Variants in TIAM1 observed in about 807,000 individuals in gnomAD.
The protein encoded by TIAM1 is rho guanine nucleotide exchange factor TIAM1.
TIAM1 carries 65 observed loss-of-function variants against 163.5 expected under a neutral mutation model. The ratio of observed to expected loss-of-function variants is 0.40; its 90% CI spans 0.33 to 0.49. The LOEUF is 0.49. Ranked by LOEUF, TIAM1 falls within the 20% of genes least tolerant of loss-of-function variation. The pLI, the probability that TIAM1 is intolerant of heterozygous loss-of-function variation, is 0.77. For synonymous variants in TIAM1, 833 were observed against 810.1 expected, an observed-to-expected ratio of 1.03 and a Z score of -0.48; for missense variants, 1,789 against 2,044.7, an observed-to-expected ratio of 0.87 and a Z score of 2.41.
chr21:31,367,532 A>C (rs1340923327), intron 2 of TIAM1, among the ~76,000 whole-genome samples: 1 of 152,176 alleles, frequency 6.6e-6, no homozygotes, highest in Non-Finnish European at 1.5e-5. Context: ...CTTGGTATTC[A>C]ACCCAAACTT....
At position 31,251,544 on chromosome 21, in the gene TIAM1, C is replaced by T. The variant is rs114003457; in HGVS notation, c.1411+198G>A. 7.7e-3 allele frequency among the ~76,000 whole-genome samples: 1,175 copies of T among 152,230 alleles called. 16 individuals are homozygous for T. The highest frequency in any genetic ancestry group is 0.026 in the African/African-American group (1,097 of 41,546). ...AACATTGCACTTGTAGTCGATAATGCCATATTGCACATTTTAAAATGTAAG... is the reference window on the plus strand; with the variant it reads ...AACATTGCACTTGTAGTCGATAATGTCATATTGCACATTTTAAAATGTAAG... On this transcript the variant is annotated intron_variant, in intron 5 of 27. Transcript: ENST00000541036.
chr21:31,146,403 C>CAAAAA (rs10542614), intron 20 of TIAM1, among the ~76,000 whole-genome samples: 1 of 89,916 alleles, frequency 1.1e-5, no homozygotes, highest in Non-Finnish European at 2.2e-5. Flanking sequence ...GGCTCTGTGT[C>CAAAAA]AAAAAAAAAA....
rs35524539 is a variant in TIAM1 at position 31,213,866 on chromosome 21, C to CAAAAAAAAAAAA, written c.2143-406_2143-395dup. 5.2e-3 allele frequency among the ~76,000 whole-genome samples: 285 copies of CAAAAAAAAAAAA among 54,822 alleles called. 9 individuals carry two copies. The highest frequency in any genetic ancestry group is 0.017 in the African/African-American group (273 of 16,088). The allele number at this position is 54,822 out of a possible 152,430, so 36.0% of individuals were successfully genotyped here. On this transcript the variant is annotated intron_variant, in intron 9 of 27. Transcript: ENST00000541036. Reference sequence around the variant, plus strand: ...GCAATATAGTTAGACCTCATCTCTACAAAAAAAAAAAAAAAAAAAGAATTA... The same window carrying CAAAAAAAAAAAA: ...GCAATATAGTTAGACCTCATCTCTACAAAAAAAAAAAAAAAAAAAAAAAAAAAAAAAGAATTA...
intron 2 of TIAM1, among the ~76,000 whole-genome samples, chr21:31,398,481 G>C (rs568221349): frequency 1.3e-5 from 2 of 152,276 alleles, no homozygotes; most frequent in East Asian, 3.9e-4. Context: ...CATAGCCATG[G>C]GAAGTAGCCC....
In TIAM1 at chr21:31,443,719, T is replaced by C. The variant is rs556413947; in HGVS notation, c.-369+20264A>G. Among the ~76,000 whole-genome samples the C allele has an allele frequency of 2.0e-5, 3 of 152,328 alleles. No individual in the cohort carries two copies. The East Asian group carries it at 5.8e-4, about 29-fold the overall frequency. Reference sequence around the variant, plus strand: ...TTAGCTTCTGAAATATAATTTCTGATGTTTATTAGAGGCAAAAAGAATCAT... The same window carrying C: ...TTAGCTTCTGAAATATAATTTCTGACGTTTATTAGAGGCAAAAAGAATCAT... On this transcript the variant is annotated intron_variant, in intron 2 of 28. Coordinates refer to the TIAM1 transcript ENST00000286827.
intron 2 of TIAM1, among the ~76,000 whole-genome samples, chr21:31,454,708 G>A (rs1209303079): frequency 6.6e-6 from 1 of 152,160 alleles, no homozygotes; most frequent in Non-Finnish European, 1.5e-5. Context: ...AAGGATAATG[G>A]GCACCAGAGT....
chr21:31,144,951 G>C (rs2083042964), intron 20 of TIAM1, among the ~76,000 whole-genome samples: 1 of 152,052 alleles, frequency 6.6e-6, no homozygotes, highest in African/African-American at 2.4e-5. Flanking sequence ...AAAATCCATG[G>C]GGGCAGAATT....
chr21:31,382,171 C>T (rs947716729), intron 2 of TIAM1, among the ~76,000 whole-genome samples: 2 of 152,220 alleles, frequency 1.3e-5, no homozygotes, highest in African/African-American at 4.8e-5. Flanking sequence ...AAGCACATCT[C>T]CCATGCAATA....
At chr21:31,292,057 G>A (rs2074043656) in intron 2 of TIAM1, among the ~76,000 whole-genome samples, 2 of 152,182 alleles carry the variant, frequency 1.3e-5, no homozygotes, top group Admixed American at 1.3e-4. Flanking sequence ...GGATCTGAGA[G>A]ACCTGATCCT....
chr21:31,154,913 G>T lies in TIAM1; in HGVS notation c.2992-487C>A, dbSNP rs185906746. On this transcript the variant is annotated intron_variant, in intron 16 of 27. Coordinates refer to ENST00000541036, the MANE Select transcript of TIAM1 (RefSeq NM_001353694.2). ...CCCAGTTCAGTAAACTATCTACTTT[G>T]CAATGTTGCAAAGATGATTTTACAA... Among the ~76,000 whole-genome samples the T allele has an allele frequency of 2.0e-5, 3 of 152,262 alleles. No homozygotes were observed. In the East Asian group the frequency reaches 5.8e-4, roughly 29 times the overall value.
At chr21:31,122,526 A>G (rs1363997497) in intron 27 of TIAM1, among the ~76,000 whole-genome samples, 1 of 152,204 alleles carries the variant, frequency 6.6e-6, no homozygotes, top group Non-Finnish European at 1.5e-5. Flanking sequence ...ATTCTAACAG[A>G]TGAGTGATAA....
chr21:31,394,265 CT>C (rs1435268547), intron 2 of TIAM1, among the ~76,000 whole-genome samples: 11 of 152,186 alleles, frequency 7.2e-5, no homozygotes, highest in Admixed American at 3.3e-4. Flanking sequence ...AAGCTACACA[CT>C]GTATGACTCC....
At chr21:31,536,511 T>C (rs2048139843) in intron 1 of TIAM1, among the ~76,000 whole-genome samples, 1 of 152,186 alleles carries the variant, frequency 6.6e-6, no homozygotes, top group Non-Finnish European at 1.5e-5. Flanking sequence ...CACTAGAGAT[T>C]CAAACTCTCA....
chr21:31,181,261 A>G (rs989498969), intron 15 of TIAM1, among the ~76,000 whole-genome samples: 2 of 152,210 alleles, frequency 1.3e-5, no homozygotes, highest in African/African-American at 4.8e-5. Context: ...AGCCGGGAAG[A>G]CAAAAATGAG....
chr21:31,348,205 C>T (rs845928), upstream of TIAM1, among the ~76,000 whole-genome samples: 24,418 of 152,140 alleles, frequency 0.16, 2,109 homozygotes, highest in Non-Finnish European at 0.18. Context: ...TTCTGGATTG[C>T]TCTTCAGGGG....
At chr21:31,529,675 T>C (rs545022573) in intron 1 of TIAM1, among the ~76,000 whole-genome samples, 2 of 152,310 alleles carry the variant, frequency 1.3e-5, no homozygotes, top group African/African-American at 2.4e-5. Context: ...CCTTCCCAAA[T>C]ACCTGCTCCT....
intron 1 of TIAM1, among the ~76,000 whole-genome samples, chr21:31,514,221 T>G (rs2047306252): frequency 1.3e-5 from 2 of 152,040 alleles, no homozygotes; most frequent in African/African-American, 4.8e-5. Flanking sequence ...CCACACATAA[T>G]GCAAACCCAA....
At chr21:31,325,116 CA>C (rs34060373) in intron 2 of TIAM1, among the ~76,000 whole-genome samples, 26,536 of 145,310 alleles carry the variant, frequency 0.18, 2,344 homozygotes, top group Middle Eastern at 0.21. Context: ...CCCATCTCTA[CA>C]AAAAAAAAAT....
At chr21:31,490,709 G>A (rs1368247273) in intron 1 of TIAM1, among the ~76,000 whole-genome samples, 2 of 152,240 alleles carry the variant, frequency 1.3e-5, no homozygotes, top group Non-Finnish European at 1.5e-5. Context: ...GGAGTTCCAG[G>A]AAGGATTCTT....
Sources: gnomAD v4.1 joint callset for allele counts (sites outside exome capture counted in the v4.1 genomes callset) on GRCh38, gnomAD v4.1.1 for gene constraint, MANE v1.5 for transcripts, NCBI Gene and HGNC (gene_info 2026-07-23, HGNC 2026-07-21) for gene names.